Variants in KCNH5 observed in about 807,000 individuals in gnomAD.
KCNH5 encodes potassium voltage-gated channel subfamily H member 5, also known as voltage-gated delayed rectifier potassium channel KCNH5.
Under a neutral mutation model 96.1 loss-of-function variants are expected in KCNH5, and 46 were observed. The ratio of observed to expected loss-of-function variants is 0.48; its 90% CI spans 0.38 to 0.61. KCNH5 has a LOEUF of 0.61. KCNH5 is among the 20% of genes least tolerant of loss of function. KCNH5 has a pLI of 0.00. For synonymous variants in KCNH5, 439 were observed against 449.8 expected (o/e 0.98, Z 0.30); for missense variants, 907 against 1,225.8 (o/e 0.74, Z 3.88).
intron 6 of KCNH5, among the ~76,000 whole-genome samples, chr14:62,954,629 T>C (rs754406916): frequency 4.9e-4 from 74 of 152,306 alleles, no homozygotes; most frequent in Middle Eastern, 3.4e-3. Context: ...GAGTATGTCA[T>C]TGAGTACAAA....
intron 7 of KCNH5, among the ~76,000 whole-genome samples, chr14:62,916,054 A>G (rs1595683161): frequency 6.7e-6 from 1 of 148,220 alleles, no homozygotes; most frequent in African/African-American, 2.5e-5. Context: ...CCGGGTTCAC[A>G]CCATTCTCCT....
intron 10 of KCNH5, among the ~76,000 whole-genome samples, chr14:62,713,376 C>T (rs1477999465): frequency 1.3e-5 from 2 of 152,212 alleles, no homozygotes; most frequent in African/African-American, 4.8e-5. Flanking sequence ...ACCTACCCAA[C>T]TACTGAGCAA....
At chr14:63,017,449 C>G (rs530640267) in intron 1 of KCNH5, among the ~76,000 whole-genome samples, 6 of 151,668 alleles carry the variant, frequency 4.0e-5, no homozygotes, top group Non-Finnish European at 5.9e-5. Context: ...CTTGAAAAGT[C>G]TAATTTAAAA....
At chr14:62,814,655 C>A (rs1886937793) in intron 8 of KCNH5, among the ~76,000 whole-genome samples, 1 of 151,286 alleles carries the variant, frequency 6.6e-6, no homozygotes, top group Non-Finnish European at 1.5e-5. Flanking sequence ...TGGTGGCAGG[C>A]ACCTGTAGTC....
intron 10 of KCNH5, chr14:62,712,584 CAAGGTA>C (rs1884593923): frequency 1.4e-6 from 1 of 719,046 alleles, no homozygotes; most frequent in Non-Finnish European, 2.6e-6. Context: ...TCCTGCTCCT[CAAGGTA>C]ACTTTTATAC....
Position 62,926,244 on chromosome 14 carries a change from G to A in KCNH5, c.1369+23889C>T, listed in dbSNP as rs74565693. ...TTTGATAAGCTAGAAGTATACCTTC[G>A]TAGTTGCTCTGATAAGTTCTTGAAA... is the stretch of plus-strand genomic sequence containing the variant. On this transcript the variant is annotated intron_variant, in intron 7 of 10. Coordinates refer to ENST00000322893, the MANE Select transcript of KCNH5 (RefSeq NM_139318.5). Among the ~76,000 whole-genome samples the A allele has an allele frequency of 7.0e-4, 107 of 152,198 alleles. 2 individuals are homozygous for A. Among genetic ancestry groups the A allele is most frequent in the African/African-American group, 1.8e-3 (75 of 41,536 alleles).
chr14:62,874,195 A>G (rs980616743), intron 7 of KCNH5, among the ~76,000 whole-genome samples: 6 of 152,150 alleles, frequency 3.9e-5, no homozygotes, highest in African/African-American at 1.4e-4. Context: ...AACTCATAAT[A>G]AAAGGAATGT....
intron 9 of KCNH5, among the ~76,000 whole-genome samples, chr14:62,791,343 TAAGTAAGTCACAAGA>T (rs1886429980): frequency 6.6e-6 from 1 of 151,392 alleles, no homozygotes; most frequent in Non-Finnish European, 1.5e-5. Flanking sequence ...TAACTTACAG[TAAGTAAGTCACAAGA>T]AGGAAAAAAA....
intron 8 of KCNH5, among the ~76,000 whole-genome samples, chr14:62,831,338 A>G (rs1887344623): frequency 6.6e-6 from 1 of 152,318 alleles, no homozygotes; most frequent in African/African-American, 2.4e-5. Context: ...CTACACTATG[A>G]AAGTGACTTT....
chr14:62,907,522 G>A (rs889694471), intron 7 of KCNH5, among the ~76,000 whole-genome samples: 2 of 152,154 alleles, frequency 1.3e-5, no homozygotes, highest in African/African-American at 4.8e-5. Flanking sequence ...AACTGCCAAG[G>A]TTAGTATATA....
In KCNH5 at chr14:62,708,240, G is replaced by A. The variant is rs1245615075; in HGVS notation, c.2235C>T (p.Ala745=). Residue 745 remains alanine (A), a synonymous_variant, in exon 11 of 11, where the codon GCC becomes GCT. Transcript: ENST00000322893. ...TCACCACGCTGGTTCCGGTGATGGA[G>A]GCTCCATTCTGTAAGGAGCGGCTCT... ...QVESRSLQNG[A]SITGTSVVTV... is the part of the protein sequence containing the mutation. 3 of 1,614,050 alleles carry A rather than the reference G, an allele frequency of 1.9e-6. No individual in the cohort carries two copies. The highest frequency in any genetic ancestry group is 2.2e-5 in the South Asian group (2 of 91,088).
chr14:62,796,285 T>C (rs1164399852), intron 9 of KCNH5, among the ~76,000 whole-genome samples: 1 of 152,182 alleles, frequency 6.6e-6, no homozygotes, highest in African/African-American at 2.4e-5. Context: ...GTGCTAGGAT[T>C]ACAGGCATGA....
intron 7 of KCNH5, among the ~76,000 whole-genome samples, chr14:62,913,237 TTTTTTTTG>T (rs1416035385): frequency 6.6e-6 from 1 of 152,174 alleles, no homozygotes; most frequent in African/African-American, 2.4e-5. Context: ...GTGAAACTTT[TTTTTTTTG>T]AGACGGAGTT....
intron 7 of KCNH5, among the ~76,000 whole-genome samples, chr14:62,881,395 T>C (rs1388869274): frequency 6.6e-6 from 1 of 152,162 alleles, no homozygotes; most frequent in Non-Finnish European, 1.5e-5. Context: ...CTGTTTTTGT[T>C]TAAAATTCTT....
intron 10 of KCNH5, among the ~76,000 whole-genome samples, chr14:62,723,640 G>A (rs2139916332): frequency 1.3e-5 from 2 of 152,298 alleles, no homozygotes; most frequent in South Asian, 4.1e-4. Flanking sequence ...GATGAAAAGT[G>A]TGGGGTGAAA....
intron 1 of KCNH5, among the ~76,000 whole-genome samples, chr14:63,042,340 G>A (rs1217925567): frequency 4.6e-5 from 7 of 152,064 alleles, no homozygotes; most frequent in African/African-American, 1.7e-4. Flanking sequence ...GTGGATGCCT[G>A]ACCAGCTGAG....
chr14:62,910,938 CACA>C (rs1481835966), intron 7 of KCNH5, among the ~76,000 whole-genome samples: 237 of 145,958 alleles, frequency 1.6e-3, no homozygotes, highest in African/African-American at 4.4e-3. Flanking sequence ...CACACACACA[CACA>C]CCCCTCTGTT....
chr14:62,813,755 G>A (rs115674940), intron 8 of KCNH5, among the ~76,000 whole-genome samples: 141 of 152,294 alleles, frequency 9.3e-4, no homozygotes, highest in African/African-American at 3.2e-3. Flanking sequence ...GAGAGAGTCA[G>A]GCAAGTGACA....
At chr14:63,037,469 C>T (rs1404518894) in intron 1 of KCNH5, among the ~76,000 whole-genome samples, 1 of 152,154 alleles carries the variant, frequency 6.6e-6, no homozygotes, top group Admixed American at 6.5e-5. Context: ...GCAAAAGGAT[C>T]AGCGTTGTAT....
Sources: allele counts gnomAD v4.1 joint callset (sites outside exome capture counted in the v4.1 genomes callset), GRCh38; gene constraint gnomAD v4.1.1; transcripts MANE v1.5; gene names NCBI Gene and HGNC (gene_info 2026-07-23, HGNC 2026-07-21).